PPM1H: variants seen among roughly 807,000 people sequenced by gnomAD.
PPM1H encodes protein phosphatase 1H.
Under a neutral mutation model 54.9 loss-of-function variants are expected in PPM1H, and 27 were observed. The ratio of observed to expected loss-of-function variants is 0.49; its 90% CI spans 0.36 to 0.68. The LOEUF is 0.68. PPM1H is among the 30% of genes least tolerant of loss of function. The probability of loss-of-function intolerance (pLI) is 0.00; values close to 1 mark genes in which losing one functional copy is unlikely to be tolerated. For synonymous variants in PPM1H, 305 were observed against 270.8 expected, an observed-to-expected ratio of 1.13 and a Z score of -1.24; for missense variants, 596 against 667.8, an observed-to-expected ratio of 0.89 and a Z score of 1.19.
intron 7 of PPM1H, among the ~76,000 whole-genome samples, chr12:62,691,158 C>G (rs1337723436): frequency 6.6e-6 from 1 of 152,066 alleles, no homozygotes; most frequent in African/African-American, 2.4e-5. Context: ...GCACTTAGCA[C>G]AGAAAGGTGG....
rs2075790024 is a variant in PPM1H at position 62,647,090 on chromosome 12, C to T, written c.*1399G>A. ...TGGCCGTACAAGTCTGCCTAAGAGA[C>T]AGAAGTGAGTTTTATAATCTACTTG... On this transcript the variant is annotated 3_prime_UTR_variant, in exon 10 of 10. Coordinates refer to ENST00000228705, the MANE Select transcript of PPM1H (RefSeq NM_020700.2). The T allele has an allele frequency of 6.6e-6, 1 of 152,184 alleles. No individual in the cohort carries two copies. Among genetic ancestry groups the T allele is most frequent in the African/African-American group, 2.4e-5 (1 of 41,446 alleles). 9.4% of individuals were successfully genotyped at this position (152,184 alleles called of 1,614,324 possible).
chr12:62,711,822 C>T (rs1224844733), intron 6 of PPM1H, among the ~76,000 whole-genome samples: 4 of 151,970 alleles, frequency 2.6e-5, no homozygotes, highest in African/African-American at 7.3e-5. Context: ...CAATGGGGAG[C>T]GAGCTGGTGG....
intron 5 of PPM1H, among the ~76,000 whole-genome samples, chr12:62,729,725 G>A (rs1357205342): frequency 1.3e-5 from 2 of 152,214 alleles, no homozygotes; most frequent in African/African-American, 4.8e-5. Flanking sequence ...CCTACAGGAT[G>A]CCCTCTTTGC....
chr12:62,827,560 A>G (rs1051230745), intron 2 of PPM1H, among the ~76,000 whole-genome samples: 1 of 152,144 alleles, frequency 6.6e-6, no homozygotes, highest in Admixed American at 6.5e-5. Flanking sequence ...ATTATGGTGT[A>G]TGATGACCCT....
At chr12:62,883,634 C>T (rs1870475839) in intron 1 of PPM1H, among the ~76,000 whole-genome samples, 1 of 152,180 alleles carries the variant, frequency 6.6e-6, no homozygotes, top group Admixed American at 6.5e-5. Flanking sequence ...GTAGTAAGAA[C>T]ATACTAGAAG....
intron 9 of PPM1H, among the ~76,000 whole-genome samples, chr12:62,661,617 G>A (rs2075883992): frequency 6.6e-6 from 1 of 152,212 alleles, no homozygotes; most frequent in South Asian, 2.1e-4. Flanking sequence ...GGCTGGTCTT[G>A]AACTCTTGGC....
intron 1 of PPM1H, among the ~76,000 whole-genome samples, chr12:62,907,753 A>G (rs904585643): frequency 1.4e-4 from 22 of 152,246 alleles, no homozygotes; most frequent in African/African-American, 5.3e-4. Context: ...TCTACTAGTC[A>G]CACACGTGTG....
At chr12:62,876,178 A>G (rs1351604904) in intron 1 of PPM1H, among the ~76,000 whole-genome samples, 2 of 152,232 alleles carry the variant, frequency 1.3e-5, no homozygotes, top group Non-Finnish European at 2.9e-5. Flanking sequence ...AAGGATCAAT[A>G]AAAGGCATGG....
chr12:62,734,693 T>A (rs1325677774), intron 5 of PPM1H, among the ~76,000 whole-genome samples: 1 of 152,230 alleles, frequency 6.6e-6, no homozygotes, highest in Non-Finnish European at 1.5e-5. Context: ...TAACTTATTA[T>A]TCATTGCCTC....
At chr12:62,710,836 T>C (rs1479486806) in intron 6 of PPM1H, among the ~76,000 whole-genome samples, 2 of 152,220 alleles carry the variant, frequency 1.3e-5, no homozygotes, top group African/African-American at 4.8e-5. Context: ...CAACAGACTG[T>C]AGACCTCCTG....
At chr12:62,800,449 G>A (rs889386082) in intron 3 of PPM1H, among the ~76,000 whole-genome samples, 10 of 151,956 alleles carry the variant, frequency 6.6e-5, no homozygotes, top group African/African-American at 2.4e-4. Context: ...CAATTCTCCT[G>A]CCTCAGCCTC....
At chr12:62,851,860 AC>A (rs1210226054) in intron 1 of PPM1H, among the ~76,000 whole-genome samples, 1 of 152,174 alleles carries the variant, frequency 6.6e-6, no homozygotes, top group Non-Finnish European at 1.5e-5. Context: ...TTAATAAAGT[AC>A]TATGGACTGA....
chr12:62,677,600 T>C (rs974264440), intron 8 of PPM1H, among the ~76,000 whole-genome samples: 3 of 152,184 alleles, frequency 2.0e-5, no homozygotes, highest in African/African-American at 7.2e-5. Context: ...GGCCGAACCC[T>C]GTACTTGCTT....
intron 5 of PPM1H, among the ~76,000 whole-genome samples, chr12:62,729,637 A>G (rs1186744899): frequency 1.3e-5 from 2 of 152,170 alleles, no homozygotes; most frequent in African/African-American, 4.8e-5. Context: ...CACCCCATCC[A>G]ATCACTGTCA....
chr12:62,819,472 G>A (rs2076889317), intron 2 of PPM1H, among the ~76,000 whole-genome samples: 1 of 152,132 alleles, frequency 6.6e-6, no homozygotes, highest in Non-Finnish European at 1.5e-5. Flanking sequence ...TATTGTTTCT[G>A]TATTATAAGT....
At chr12:62,861,063 C>T (rs893247564) in intron 1 of PPM1H, among the ~76,000 whole-genome samples, 5 of 152,130 alleles carry the variant, frequency 3.3e-5, no homozygotes, top group East Asian at 1.9e-4. Flanking sequence ...AAATGTAATA[C>T]GAGTAAGACG....
At chr12:62,696,918 G>A (rs1473031861) in intron 6 of PPM1H, among the ~76,000 whole-genome samples, 2 of 152,200 alleles carry the variant, frequency 1.3e-5, no homozygotes, top group African/African-American at 2.4e-5. Flanking sequence ...ATTCTAGTCC[G>A]AGTCTGAAAT....
chr12:62,800,493 C>A (rs1176837642), intron 3 of PPM1H, among the ~76,000 whole-genome samples: 1 of 152,066 alleles, frequency 6.6e-6, no homozygotes, highest in Non-Finnish European at 1.5e-5. Flanking sequence ...TGTGCCACCA[C>A]GCCCGACTAA....
chr12:62,751,090 C>T (rs531640661), intron 4 of PPM1H, among the ~76,000 whole-genome samples: 23 of 152,318 alleles, frequency 1.5e-4, no homozygotes, highest in African/African-American at 5.1e-4. Flanking sequence ...CTACTGCAGT[C>T]TATTTATGAG....
Sources: allele counts gnomAD v4.1 joint callset (sites outside exome capture counted in the v4.1 genomes callset), GRCh38; gene constraint gnomAD v4.1.1; transcripts MANE v1.5; gene names NCBI Gene and HGNC (gene_info 2026-07-23, HGNC 2026-07-21).